The following TENM3 variants were observed in gnomAD, a reference collection of about 807,000 sequenced individuals.
The protein encoded by TENM3 is teneurin transmembrane protein 3.
Under a neutral mutation model 255.1 loss-of-function variants are expected in TENM3, and 63 were observed. The observed-to-expected ratio is 0.25, with a 90% CI of 0.20 to 0.30. The LOEUF is 0.30. TENM3 is among the 10% of genes least tolerant of loss of function. TENM3 has a pLI of 1.00. For missense variants in TENM3, 2,929 were observed against 3,461.1 expected (o/e 0.85, Z 3.86); for synonymous variants, 1,306 against 1,322.3 (o/e 0.99, Z 0.27).
chr4:181,682,556 T>G, the TENM3 span, among the ~76,000 whole-genome samples: 1 of 152,160 alleles, frequency 6.6e-6, no homozygotes, highest in Non-Finnish European at 1.5e-5. Flanking sequence ...GTTTTGGGTT[T>G]GACTCAAAAT....
the TENM3 span, among the ~76,000 whole-genome samples, chr4:181,605,593 G>GGAAAGAGAGAGAGAGAGAGAAAGAAAGA: frequency 1.0e-5 from 1 of 97,188 alleles, no homozygotes. Context: ...AGGAAAGAAA[G>GGAAAGAGAGAGAGAGAGAGAAAGAAAGA]AAAGAAAGAA....
chr4:181,868,751 A>T, the TENM3 span, among the ~76,000 whole-genome samples: 1 of 152,194 alleles, frequency 6.6e-6, no homozygotes, highest in Non-Finnish European at 1.5e-5. Context: ...AGAGAGGTAG[A>T]TCAGCAAACG....
chr4:182,609,186 G>C (rs1363637648), intron 4 of TENM3, among the ~76,000 whole-genome samples: 1 of 152,240 alleles, frequency 6.6e-6, no homozygotes, highest in East Asian at 1.9e-4. Flanking sequence ...TAGAGACTGG[G>C]TCTGCTATGC....
chr4:182,001,002 C>CTTT, the TENM3 span, among the ~76,000 whole-genome samples: 180 of 130,474 alleles, frequency 1.4e-3, 4 homozygotes, highest in Middle Eastern at 4.2e-3. Flanking sequence ...GTTTTCTTTC[C>CTTT]TTTTTTTTTT....
chr4:181,496,475 A>T, the TENM3 span, among the ~76,000 whole-genome samples: 1 of 152,228 alleles, frequency 6.6e-6, no homozygotes, highest in Non-Finnish European at 1.5e-5. Flanking sequence ...CTAAACATTT[A>T]CTAAAATATA....
the TENM3 span, among the ~76,000 whole-genome samples, chr4:182,047,273 G>A: frequency 1.3e-5 from 2 of 152,074 alleles, no homozygotes; most frequent in African/African-American, 4.8e-5. Context: ...TGTGTTAAAT[G>A]CATGAATAGG....
chr4:181,878,134 A>T, the TENM3 span, among the ~76,000 whole-genome samples: 1 of 152,180 alleles, frequency 6.6e-6, no homozygotes, highest in African/African-American at 2.4e-5. Context: ...TGCTCAGATG[A>T]AGATCATGAA....
chr4:182,775,028 G>T lies in TENM3; in HGVS notation c.5179G>T (p.Ala1727Ser). 1 of 1,613,974 alleles carries T rather than the reference G, an allele frequency of 6.2e-7. No individual in the cohort carries two copies. Among genetic ancestry groups the T allele is most frequent in the African/African-American group, 1.3e-5 (1 of 75,040 alleles). The change falls in exon 24 of 28, where the codon GCT becomes TCT. Residue 1727 changes from alanine (A) to serine (S), a missense_variant. Ala to Ser is a moderately conservative substitution (Grantham distance 99). Coordinates refer to ENST00000511685, the MANE Select transcript of TENM3 (RefSeq NM_001080477.4). ...AGAGCCGCACGTTCTGGCTGGCACC[G>T]CTAATCCGACGGTTGCCAAAAGAAA... ...QTEPHVLAGTANPTVAKRNMT... is the reference protein window; with the variant it reads ...QTEPHVLAGTSNPTVAKRNMT...
the TENM3 span, among the ~76,000 whole-genome samples, chr4:181,920,772 C>T: frequency 6.6e-6 from 1 of 151,812 alleles, no homozygotes; most frequent in Middle Eastern, 3.4e-3. Flanking sequence ...CTTTTGTTGC[C>T]ATTGCTTTTG....
intron 1 of TENM3, among the ~76,000 whole-genome samples, chr4:182,216,971 G>A (rs1024181163): frequency 3.9e-5 from 5 of 126,940 alleles, no homozygotes; most frequent in Admixed American, 8.0e-5. Context: ...ATATCATAAT[G>A]TATAAGTATT....
the TENM3 span, among the ~76,000 whole-genome samples, chr4:181,908,723 G>A: frequency 3.4e-4 from 52 of 152,234 alleles, no homozygotes; most frequent in East Asian, 9.1e-3. Context: ...TGCATTTTAT[G>A]GAGTTTGTAG....
chr4:181,956,080 G>A, the TENM3 span, among the ~76,000 whole-genome samples: 1 of 152,128 alleles, frequency 6.6e-6, no homozygotes, highest in Non-Finnish European at 1.5e-5. Flanking sequence ...GTCTGGTGAG[G>A]GCTTATTTCC....
At chr4:181,656,833 T>C in the TENM3 span, among the ~76,000 whole-genome samples, 1 of 152,142 alleles carries the variant, frequency 6.6e-6, no homozygotes, top group Non-Finnish European at 1.5e-5. Context: ...GAGGAAAGGG[T>C]GCAGTAAGTC....
At chr4:181,570,957 G>T in the TENM3 span, among the ~76,000 whole-genome samples, 1 of 152,210 alleles carries the variant, frequency 6.6e-6, no homozygotes, top group African/African-American at 2.4e-5. Context: ...GTTCAGTGTA[G>T]ATCTGACGTC....
At chr4:181,577,195 T>C in the TENM3 span, among the ~76,000 whole-genome samples, 2 of 128,992 alleles carry the variant, frequency 1.6e-5, no homozygotes, top group East Asian at 2.1e-4. Flanking sequence ...ATATTATATA[T>C]ATTATATATA....
the TENM3 span, among the ~76,000 whole-genome samples, chr4:181,764,753 C>T: frequency 6.6e-6 from 1 of 152,138 alleles, no homozygotes; most frequent in Admixed American, 6.5e-5. Flanking sequence ...TGCAGCAGTA[C>T]AGTCTCGGCT....
chr4:182,407,528 A>G (rs1769667763), intron 3 of TENM3, among the ~76,000 whole-genome samples: 1 of 152,224 alleles, frequency 6.6e-6, no homozygotes, highest in Admixed American at 6.5e-5. Flanking sequence ...GTAACTTTTT[A>G]TAACACTGTA....
At chr4:181,959,827 C>T in the TENM3 span, among the ~76,000 whole-genome samples, 4 of 151,984 alleles carry the variant, frequency 2.6e-5, no homozygotes, top group African/African-American at 9.7e-5. Context: ...AGTCACATAC[C>T]ACTTAAATTG....
chr4:181,450,201 T>G, the TENM3 span, among the ~76,000 whole-genome samples: 90,421 of 151,972 alleles, frequency 0.59, 27,091 homozygotes, highest in Middle Eastern at 0.65. Context: ...GTCTGATGAT[T>G]TCGCCGTAGC....
Sources: gnomAD v4.1 joint callset for allele counts (sites outside exome capture counted in the v4.1 genomes callset) on GRCh38, gnomAD v4.1.1 for gene constraint, MANE v1.5 for transcripts, NCBI Gene and HGNC (gene_info 2026-07-23, HGNC 2026-07-21) for gene names.